KIAA1217: variants seen among roughly 807,000 people sequenced by gnomAD.
The protein encoded by KIAA1217 is KIAA1217, also known as sickle tail protein homolog.
A neutral mutation model predicts 163.9 loss-of-function variants in KIAA1217; 88 were observed. The ratio of observed to expected loss-of-function variants is 0.54; its 90% CI spans 0.45 to 0.64. The LOEUF (loss-of-function observed/expected upper bound fraction) is 0.64. Ranked by LOEUF, KIAA1217 falls within the 30% of genes least tolerant of loss-of-function variation. The pLI, the probability that KIAA1217 is intolerant of heterozygous loss-of-function variation, is 0.00. For missense variants in KIAA1217, 2,372 were observed against 2,475.0 expected, an observed-to-expected ratio of 0.96 and a Z score of 0.88; for synonymous variants, 903 against 923.1, an observed-to-expected ratio of 0.98 and a Z score of 0.39.
At chr10:24,532,905 CA>C (rs2073341557) in intron 15 of KIAA1217, among the ~76,000 whole-genome samples, 164 bp from the exon 16 acceptor site, 1 of 152,146 alleles carries the variant, frequency 6.6e-6, no homozygotes, top group South Asian at 2.1e-4. Flanking sequence ...TATGCAAACA[CA>C]AATACAAACT....
chr10:23,880,003 G>A (rs1840880506), intron 1 of KIAA1217, among the ~76,000 whole-genome samples: 1 of 151,916 alleles, frequency 6.6e-6, no homozygotes. Flanking sequence ...TTCTGGTGGT[G>A]GGTGCTGGAG....
chr10:23,711,666 C>G (rs766510800), intron 1 of KIAA1217, among the ~76,000 whole-genome samples: 5 of 152,164 alleles, frequency 3.3e-5, no homozygotes, highest in Non-Finnish European at 7.4e-5. Context: ...CAAAGGAGAA[C>G]CTTCTGGGTG....
At chr10:23,929,727 A>C (rs1325424814) in intron 1 of KIAA1217, among the ~76,000 whole-genome samples, 2 of 152,222 alleles carry the variant, frequency 1.3e-5, no homozygotes, top group Admixed American at 1.3e-4. Context: ...TAAGTTGCTT[A>C]CATCTCTTTG....
intron 1 of KIAA1217, among the ~76,000 whole-genome samples, chr10:23,977,818 A>G (rs1290678430): frequency 6.6e-6 from 1 of 152,212 alleles, no homozygotes; most frequent in Non-Finnish European, 1.5e-5. Flanking sequence ...GACCAAATAG[A>G]CCAGGAGGAG....
intron 1 of KIAA1217, among the ~76,000 whole-genome samples, chr10:23,804,944 A>G (rs1484359856): frequency 6.6e-6 from 1 of 152,218 alleles, no homozygotes. Context: ...AATCAAAACC[A>G]TAATGAGATA....
intron 2 of KIAA1217, among the ~76,000 whole-genome samples, chr10:24,076,332 C>T (rs1055593239): frequency 6.6e-6 from 1 of 152,214 alleles, no homozygotes; most frequent in Non-Finnish European, 1.5e-5. Context: ...AGGCGCAGGG[C>T]CCCATAGCCT....
At chr10:24,512,656 C>G (rs1013580881) in intron 9 of KIAA1217, among the ~76,000 whole-genome samples, 2 of 152,226 alleles carry the variant, frequency 1.3e-5, no homozygotes, top group African/African-American at 4.8e-5. Context: ...TTTTAAGCAT[C>G]TGTGATTTCA....
chr10:23,703,208 C>T (rs1299913769), intron 1 of KIAA1217, among the ~76,000 whole-genome samples: 2 of 152,134 alleles, frequency 1.3e-5, no homozygotes, highest in African/African-American at 2.4e-5. Flanking sequence ...ACCCTCCTGG[C>T]GGTCACCTAT....
chr10:24,545,301 A>G (rs2075611537), intron 20 of KIAA1217, 198 bp downstream of exon 20: 4 of 1,408,260 alleles, frequency 2.8e-6, no homozygotes, highest in African/African-American at 1.4e-5. Flanking sequence ...GCAATAAAAC[A>G]TCTTTTACTT....
intron 2 of KIAA1217, among the ~76,000 whole-genome samples, chr10:24,352,672 A>T (rs569037341): frequency 1.3e-5 from 2 of 152,204 alleles, no homozygotes; most frequent in Admixed American, 6.5e-5. Context: ...ATGACAGGCA[A>T]GTGGGATTTA....
At chr10:23,874,158 G>A (rs1380121313) in intron 1 of KIAA1217, among the ~76,000 whole-genome samples, 1 of 151,904 alleles carries the variant, frequency 6.6e-6, no homozygotes, top group South Asian at 2.1e-4. Context: ...ACCCCTCATG[G>A]TTAGCTATCA....
intron 1 of KIAA1217, among the ~76,000 whole-genome samples, chr10:23,797,249 T>G (rs1836250530): frequency 6.6e-6 from 1 of 152,034 alleles, no homozygotes; most frequent in Non-Finnish European, 1.5e-5. Flanking sequence ...TGAATGGTGA[T>G]AGGGATGTGC....
chr10:24,212,111 A>G (rs4131733), intron 1 of KIAA1217, among the ~76,000 whole-genome samples: 88,211 of 151,820 alleles, frequency 0.58, 25,912 homozygotes, highest in African/African-American at 0.67. Context: ...AAGAAGAGAG[A>G]GGAGGGGAGG....
At chr10:24,317,633 C>G (rs2043566382) in intron 2 of KIAA1217, among the ~76,000 whole-genome samples, 1 of 152,168 alleles carries the variant, frequency 6.6e-6, no homozygotes. Context: ...TTAGAATATA[C>G]ATGTATATTG....
chr10:23,893,290 T>C (rs1233583572), intron 1 of KIAA1217, among the ~76,000 whole-genome samples: 1 of 152,124 alleles, frequency 6.6e-6, no homozygotes, highest in South Asian at 2.1e-4. Flanking sequence ...GAGGTGTTTG[T>C]AGTATTCTCT....
chr10:23,737,815 G>A (rs1302804548), intron 1 of KIAA1217, among the ~76,000 whole-genome samples: 2 of 151,122 alleles, frequency 1.3e-5, no homozygotes, highest in African/African-American at 4.9e-5. Flanking sequence ...CCCATTGACA[G>A]TTATTTTCTA....
chr10:24,065,705 T>C (rs1029693755), intron 2 of KIAA1217, among the ~76,000 whole-genome samples: 1 of 152,308 alleles, frequency 6.6e-6, no homozygotes, highest in East Asian at 1.9e-4. Context: ...CTTGTTAACT[T>C]TCTGTCTCAT....
At chr10:24,306,652 T>C (rs16924531) in intron 2 of KIAA1217, among the ~76,000 whole-genome samples, 7,434 of 152,258 alleles carry the variant, frequency 0.049, 577 homozygotes, top group African/African-American at 0.17. Flanking sequence ...ACATCACGTA[T>C]GTGCATGAGA....
chr10:23,962,113 T>C (rs1250756696), intron 1 of KIAA1217, among the ~76,000 whole-genome samples: 1 of 152,268 alleles, frequency 6.6e-6, no homozygotes, highest in Non-Finnish European at 1.5e-5. Flanking sequence ...TGTGTTGCCC[T>C]GGCCGTCTGG....
Sources: gnomAD v4.1 joint callset for allele counts (sites outside exome capture counted in the v4.1 genomes callset) on GRCh38, gnomAD v4.1.1 for gene constraint, MANE v1.5 for transcripts, NCBI Gene and HGNC (gene_info 2026-07-23, HGNC 2026-07-21) for gene names.